TTC29: variants seen among roughly 807,000 people sequenced by gnomAD.
TTC29 encodes tetratricopeptide repeat domain 29, also known as tetratricopeptide repeat protein 29.
In TTC29, 49 loss-of-function variants were observed where a neutral mutation model predicts 58.1. That is an observed-to-expected ratio of 0.84 (90% CI 0.67 to 1.07). TTC29 has a LOEUF of 1.07. TTC29 is among the 50% of genes least tolerant of loss of function. The pLI, the probability that TTC29 is intolerant of heterozygous loss-of-function variation, is 0.00. For synonymous variants in TTC29, 209 were observed against 196.8 expected, an observed-to-expected ratio of 1.06 and a Z score of -0.52; for missense variants, 582 against 555.6, an observed-to-expected ratio of 1.05 and a Z score of -0.48.
At chr4:146,736,406 A>T (rs898788143) in intron 11 of TTC29, among the ~76,000 whole-genome samples, 3 of 152,190 alleles carry the variant, frequency 2.0e-5, no homozygotes, top group Non-Finnish European at 4.4e-5. Flanking sequence ...ATGGGAATGG[A>T]CATCGTATCT....
intron 11 of TTC29, among the ~76,000 whole-genome samples, chr4:146,770,252 G>T (rs1190259747): frequency 6.6e-6 from 1 of 151,698 alleles, no homozygotes; most frequent in Non-Finnish European, 1.5e-5. Flanking sequence ...GAGAACTCTG[G>T]GCATTTTGTA....
At chr4:146,724,911 A>G (rs1743658024) in intron 11 of TTC29, among the ~76,000 whole-genome samples, 1 of 152,138 alleles carries the variant, frequency 6.6e-6, no homozygotes, top group Non-Finnish European at 1.5e-5. Context: ...TATACGACTT[A>G]TCTTAATTTT....
chr4:146,853,834 G>A (rs1474587748), intron 8 of TTC29, among the ~76,000 whole-genome samples: 1 of 152,116 alleles, frequency 6.6e-6, no homozygotes, highest in East Asian at 1.9e-4. Flanking sequence ...AGAAAAGGAA[G>A]CCTACAAGCT....
chr4:146,712,136 T>C (rs1217069646), intron 11 of TTC29, among the ~76,000 whole-genome samples: 1 of 152,126 alleles, frequency 6.6e-6, no homozygotes, highest in Non-Finnish European at 1.5e-5. Context: ...GAATCTGGTT[T>C]TTATAAACCC....
chr4:146,799,099 G>T (rs1337186426), intron 11 of TTC29, among the ~76,000 whole-genome samples: 2 of 152,040 alleles, frequency 1.3e-5, no homozygotes, highest in South Asian at 4.1e-4. Context: ...CAGATCACTG[G>T]ACTCTTGACT....
At chr4:146,788,357 G>T (rs1245182179) in intron 11 of TTC29, among the ~76,000 whole-genome samples, 1 of 152,180 alleles carries the variant, frequency 6.6e-6, no homozygotes, top group African/African-American at 2.4e-5. Flanking sequence ...CTAATGTGGG[G>T]CACATTATTC....
chr4:146,935,061 C>T (rs1025767748), intron 4 of TTC29, among the ~76,000 whole-genome samples: 3 of 151,878 alleles, frequency 2.0e-5, no homozygotes, highest in Non-Finnish European at 2.9e-5. Flanking sequence ...CCAGTGAGAT[C>T]GATCCAATGA....
intron 2 of TTC29, among the ~76,000 whole-genome samples, chr4:146,941,309 C>T (rs74580290): frequency 0.026 from 3,900 of 152,296 alleles, 93 homozygotes; most frequent in South Asian, 0.13. Flanking sequence ...TTCAGCATTA[C>T]TACCTGTGTG....
At chr4:146,929,755 T>C (rs1264279166) in intron 4 of TTC29, among the ~76,000 whole-genome samples, 2 of 152,056 alleles carry the variant, frequency 1.3e-5, no homozygotes, top group East Asian at 1.9e-4. Context: ...ACTGTGTGGA[T>C]TGCAAGGAAG....
chr4:146,718,068 T>A (rs1316190566), intron 11 of TTC29, among the ~76,000 whole-genome samples: 3 of 152,196 alleles, frequency 2.0e-5, no homozygotes, highest in African/African-American at 7.2e-5. Context: ...ACAGGATTTA[T>A]CATTTTTTAA....
At chr4:146,765,732 C>T (rs1009501081) in intron 11 of TTC29, among the ~76,000 whole-genome samples, 7 of 152,128 alleles carry the variant, frequency 4.6e-5, no homozygotes, top group African/African-American at 1.4e-4. Flanking sequence ...AGACAAGCAG[C>T]CTTCATAAGA....
At chr4:146,819,982 A>G (rs780198525) in intron 10 of TTC29, 143 bp downstream of exon 10, 377 of 1,086,384 alleles carry the variant, frequency 3.5e-4, no homozygotes, top group Non-Finnish European at 4.7e-4. Flanking sequence ...TGCCATGGAC[A>G]TTAACTACAC....
chr4:146,729,880 C>G (rs1744199906), intron 11 of TTC29, among the ~76,000 whole-genome samples: 1 of 151,972 alleles, frequency 6.6e-6, no homozygotes, highest in Non-Finnish European at 1.5e-5. Flanking sequence ...CAAATCCCCT[C>G]CCACCATGAC....
At chr4:146,796,978 AG>A (rs1426415147) in intron 11 of TTC29, among the ~76,000 whole-genome samples, 1 of 152,146 alleles carries the variant, frequency 6.6e-6, no homozygotes, top group Non-Finnish European at 1.5e-5. Context: ...ACCCTTAGCC[AG>A]GTAAAGTTTG....
At chr4:146,930,567 G>A (rs1044119405) in intron 4 of TTC29, among the ~76,000 whole-genome samples, 5 of 152,308 alleles carry the variant, frequency 3.3e-5, no homozygotes, top group Admixed American at 1.3e-4. Flanking sequence ...CAGGATACGG[G>A]TATAGGCCAG....
chr4:146,787,266 G>A (rs192441677), intron 11 of TTC29, among the ~76,000 whole-genome samples: 2 of 152,124 alleles, frequency 1.3e-5, no homozygotes, highest in African/African-American at 2.4e-5. Flanking sequence ...GGGTTGTTAA[G>A]AGAAATTATC....
intron 7 of TTC29, among the ~76,000 whole-genome samples, chr4:146,874,231 T>C (rs996106014): frequency 2.6e-5 from 4 of 152,140 alleles, no homozygotes; most frequent in Non-Finnish European, 5.9e-5. Context: ...GAAGCTGCTG[T>C]TCCAAAGGCC....
chr4:146,771,045 G>A (rs1747686983), intron 11 of TTC29, among the ~76,000 whole-genome samples: 1 of 152,010 alleles, frequency 6.6e-6, no homozygotes, highest in Non-Finnish European at 1.5e-5. Flanking sequence ...AGCACATACT[G>A]TTTTGATATG....
At chr4:146,851,248 C>T (rs1729498533) in intron 8 of TTC29, among the ~76,000 whole-genome samples, 1 of 152,156 alleles carries the variant, frequency 6.6e-6, no homozygotes, top group African/African-American at 2.4e-5. Flanking sequence ...AACTTAGATG[C>T]TAGAGTAATC....
Sources: allele counts gnomAD v4.1 joint callset (sites outside exome capture counted in the v4.1 genomes callset), GRCh38; gene constraint gnomAD v4.1.1; transcripts MANE v1.5; gene names NCBI Gene and HGNC (gene_info 2026-07-23, HGNC 2026-07-21).